Variants in FOXP1 observed in about 807,000 individuals in gnomAD.
The protein encoded by FOXP1 is forkhead box P1, also known as forkhead box protein P1.
FOXP1 carries 15 observed loss-of-function variants against 98.2 expected under a neutral mutation model. That is an observed-to-expected ratio of 0.15 (90% CI 0.10 to 0.24). The LOEUF (loss-of-function observed/expected upper bound fraction) is 0.24. FOXP1 is among the 10% of genes least tolerant of loss of function. FOXP1 has a pLI of 1.00. For synonymous variants in FOXP1, 371 were observed against 314.5 expected, an observed-to-expected ratio of 1.18 and a Z score of -1.90; for missense variants, 633 against 848.5, an observed-to-expected ratio of 0.75 and a Z score of 3.15.
chr3:71,328,179 C>T (rs542507028), intron 4 of FOXP1, among the ~76,000 whole-genome samples: 4 of 152,192 alleles, frequency 2.6e-5, no homozygotes, highest in South Asian at 2.1e-4. Flanking sequence ...CCTGTAATCT[C>T]GGCACTTTGG....
At chr3:71,250,058 C>T (rs1221066401) in intron 5 of FOXP1, among the ~76,000 whole-genome samples, 5 of 152,232 alleles carry the variant, frequency 3.3e-5, no homozygotes, top group Non-Finnish European at 5.9e-5. Flanking sequence ...CAGAAGTCCA[C>T]CCCACCAGAC....
chr3:71,513,808 A>G (rs972267264), intron 2 of FOXP1, among the ~76,000 whole-genome samples: 11 of 152,298 alleles, frequency 7.2e-5, no homozygotes, highest in African/African-American at 1.7e-4. Flanking sequence ...TGCTGCAACC[A>G]TAAGACCGGG....
chr3:71,310,753 A>T (rs1356166004), intron 4 of FOXP1, among the ~76,000 whole-genome samples: 1 of 152,174 alleles, frequency 6.6e-6, no homozygotes, highest in Non-Finnish European at 1.5e-5. Flanking sequence ...GAATCCAGCC[A>T]CCGGATGAGG....
intron 5 of FOXP1, among the ~76,000 whole-genome samples, chr3:71,224,141 CA>C (rs1362518122): frequency 6.6e-6 from 1 of 152,184 alleles, no homozygotes; most frequent in African/African-American, 2.4e-5. Context: ...GAGGATATAG[CA>C]GAGGCTCAAG....
At chr3:71,013,608 C>G (rs2043992974) in intron 12 of FOXP1, among the ~76,000 whole-genome samples, 1 of 152,190 alleles carries the variant, frequency 6.6e-6, no homozygotes, top group South Asian at 2.1e-4. Flanking sequence ...CCATCGCCAT[C>G]AAGCTACCAA....
chr3:71,056,366 C>T (rs1385359542), intron 7 of FOXP1, among the ~76,000 whole-genome samples: 3 of 152,142 alleles, frequency 2.0e-5, no homozygotes, highest in South Asian at 2.1e-4. Flanking sequence ...GACATCAAAC[C>T]AGTGGCTTAA....
At chr3:71,474,135 G>T (rs1031409052) in intron 3 of FOXP1, among the ~76,000 whole-genome samples, 8 of 151,972 alleles carry the variant, frequency 5.3e-5, no homozygotes, top group Non-Finnish European at 1.2e-4. Flanking sequence ...AGACTAGAAG[G>T]AAATACACTT....
intron 6 of FOXP1, among the ~76,000 whole-genome samples, chr3:71,124,509 T>C (rs2059015474): frequency 6.6e-6 from 1 of 152,038 alleles, no homozygotes; most frequent in African/African-American, 2.4e-5. Flanking sequence ...TTACTTATTA[T>C]GCAAAGCCTA....
chr3:71,117,851 G>T (rs2058485702), intron 6 of FOXP1, among the ~76,000 whole-genome samples: 2 of 152,168 alleles, frequency 1.3e-5, no homozygotes, highest in Non-Finnish European at 2.9e-5. Context: ...TCGGGTTACA[G>T]TAAAGACACA....
intron 2 of FOXP1, among the ~76,000 whole-genome samples, chr3:71,499,845 G>T (rs2041205453): frequency 6.6e-6 from 1 of 152,186 alleles, no homozygotes; most frequent in South Asian, 2.1e-4. Context: ...GCAAAAAAAG[G>T]TATGTGTTTG....
intron 5 of FOXP1, among the ~76,000 whole-genome samples, chr3:71,206,761 G>A (rs2064067515): frequency 1.3e-5 from 2 of 152,248 alleles, no homozygotes; most frequent in South Asian, 4.2e-4. Flanking sequence ...CAGATAACAA[G>A]TTGACCCCGC....
chr3:71,063,260 T>C (rs759524041), intron 7 of FOXP1, among the ~76,000 whole-genome samples: 13 of 152,278 alleles, frequency 8.5e-5, no homozygotes, highest in Non-Finnish European at 1.5e-5. Flanking sequence ...TTTCTCAATT[T>C]ATGCAAAGGG....
intron 6 of FOXP1, among the ~76,000 whole-genome samples, chr3:71,146,099 A>G (rs137974202): frequency 1.1e-4 from 16 of 152,312 alleles, no homozygotes; most frequent in African/African-American, 3.4e-4. Context: ...GTGCACAGAG[A>G]GGGAACAAAC....
At chr3:71,347,431 A>T (rs1247210244) in intron 4 of FOXP1, among the ~76,000 whole-genome samples, 2 of 152,186 alleles carry the variant, frequency 1.3e-5, no homozygotes, top group Non-Finnish European at 2.9e-5. Flanking sequence ...TGCCTCTACC[A>T]TCAATATCAG....
intron 6 of FOXP1, among the ~76,000 whole-genome samples, chr3:71,147,625 A>C (rs989309340): frequency 2.0e-4 from 30 of 152,326 alleles, no homozygotes; most frequent in African/African-American, 6.5e-4. Flanking sequence ...TGTGAAATTT[A>C]TCTCTCTCTA....
intron 4 of FOXP1, among the ~76,000 whole-genome samples, chr3:71,328,169 C>T (rs1478858996): frequency 1.3e-5 from 2 of 152,136 alleles, no homozygotes; most frequent in Admixed American, 6.5e-5. Context: ...GGCACTCATG[C>T]CTGTAATCTC....
At position 70,977,887 on chromosome 3, in the gene FOXP1, T is replaced by G. The variant is rs1448666926; in HGVS notation, c.1289A>C (p.His430Pro). ...CCGCCTGCGGATGGGTCCCACCGTG[T>G]GCATGCTGGTGGTTGTGATGACAGA... ...GPSVITTTSM[H>P]TVGPIRRRYS... is the part of the protein sequence containing the mutation. Residue 430 changes from histidine (H) to proline (P), a missense_variant, in exon 15 of 21, where the codon CAC becomes CCC. His to Pro is a moderately conservative substitution (Grantham distance 77). Coordinates refer to ENST00000649528, the MANE Select transcript of FOXP1 (RefSeq NM_001349338.3). The G allele has an allele frequency of 6.2e-7, 1 of 1,614,164 alleles. No individual in the cohort carries two copies. Among genetic ancestry groups the G allele is most frequent in the South Asian group, 1.1e-5 (1 of 91,082 alleles).
At chr3:71,423,227 G>A (rs1304442882) in intron 3 of FOXP1, among the ~76,000 whole-genome samples, 1 of 152,158 alleles carries the variant, frequency 6.6e-6, no homozygotes, top group East Asian at 1.9e-4. Context: ...GTGCTATTAA[G>A]CCCATTTCAC....
chr3:71,119,729 T>A (rs936317252), intron 6 of FOXP1, among the ~76,000 whole-genome samples: 1 of 152,176 alleles, frequency 6.6e-6, no homozygotes, highest in African/African-American at 2.4e-5. Context: ...CAAGGAAACT[T>A]CATCACCTTC....
Sources: gnomAD v4.1 joint callset for allele counts (sites outside exome capture counted in the v4.1 genomes callset) on GRCh38, gnomAD v4.1.1 for gene constraint, MANE v1.5 for transcripts, NCBI Gene and HGNC (gene_info 2026-07-23, HGNC 2026-07-21) for gene names.